GBX2: variants seen among roughly 807,000 people sequenced by gnomAD.
The protein encoded by GBX2 is gastrulation brain homeobox 2.
Under a neutral mutation model 22.4 loss-of-function variants are expected in GBX2, and 5 were observed. That is an observed-to-expected ratio of 0.22 (90% CI 0.12 to 0.47). The LOEUF is 0.47. Among genes scored for constraint, GBX2 ranks in the 20% least tolerant of loss-of-function variants. GBX2 has a pLI of 0.99. For missense variants in GBX2, 470 were observed against 495.4 expected, an observed-to-expected ratio of 0.95 and a Z score of 0.49; for synonymous variants, 220 against 230.5, an observed-to-expected ratio of 0.95 and a Z score of 0.41.
chr2:236,166,127 C>T lies in GBX2; in HGVS notation c.834G>A (p.Ser278=), dbSNP rs781231207. 4.3e-6 allele frequency: 7 copies of T among 1,614,096 alleles called. No individual in the cohort carries two copies. In the East Asian group the frequency reaches 1.1e-4, roughly 26 times the overall value. ...TGAGTTTGAGGGCGTGGGCGATCTG[C>T]GAGCGCTCGGTCAAGGAGAGGTACT... ...CKKYLSLTER[S]QIAHALKLSE... is the part of the protein sequence containing the mutation. The change falls in exon 2 of 2, where the codon TCG becomes TCA. Residue 278 remains serine (S), a synonymous_variant. Coordinates refer to ENST00000306318, the MANE Select transcript of GBX2 (RefSeq NM_001485.4). This position sits in a 1 kb window ranked among gnomAD's most constrained non-coding sequence, Gnocchi z 6.6.
chr2:236,168,178 G>A lies in GBX2; in HGVS notation c.-207C>T, dbSNP rs1400763879. ...TGTGCGGGGTGAGGCCGTGCGCCCC[G>A]GAGTGGAGAGGGCGCCCGGGCCCCG... On this transcript the variant is annotated 5_prime_UTR_variant, in exon 1 of 2. Transcript: ENST00000306318. 1 of 380,966 alleles carries A rather than the reference G, an allele frequency of 2.6e-6. No individual in the cohort carries two copies. The highest frequency in any genetic ancestry group is 2.1e-5 in the African/African-American group (1 of 47,172). 23.6% of individuals were successfully genotyped at this position (380,966 alleles called of 1,614,324 possible). A position where few individuals can be genotyped will look rare whatever the true frequency, so the allele number is the denominator to read the frequency against.
chr2:236,166,664 T>C lies in GBX2; in HGVS notation c.524-227A>G, dbSNP rs959627513. Among the ~76,000 whole-genome samples the C allele has an allele frequency of 6.6e-6, 1 of 152,040 alleles. No homozygotes were observed. The highest frequency in any genetic ancestry group is 2.4e-5 in the African/African-American group (1 of 41,408). On this transcript the variant is annotated intron_variant, in intron 1 of 1. Coordinates refer to ENST00000306318, the MANE Select transcript of GBX2 (RefSeq NM_001485.4). This position sits in a 1 kb window ranked among gnomAD's most constrained non-coding sequence, Gnocchi z 6.6. Reference sequence around the variant, plus strand: ...GGAGGCAGTACAGGCGACGGCCCTTTGCCCAGAACCATCACTCAAAGGGCC... The same window carrying C: ...GGAGGCAGTACAGGCGACGGCCCTTCGCCCAGAACCATCACTCAAAGGGCC...
rs1196276549 is a variant in GBX2 at position 236,167,431 on chromosome 2, C to T, written c.523+18G>A. The T allele has an allele frequency of 6.7e-7, 1 of 1,488,828 alleles. No individual in the cohort carries two copies. Among genetic ancestry groups the T allele is most frequent in the Admixed American group, 2.4e-5 (1 of 42,172 alleles). The allele number at this position is 1,488,828 out of a possible 1,614,324, so 92.2% of individuals were successfully genotyped here. On this transcript the variant is annotated intron_variant, in intron 1 of 1. Transcript: ENST00000306318. ...TCCTCCCGCCCCCTCGTCCCGGCTG[C>T]GCGCGCCGCCGACTCACCGAGCGAA...
chr2:236,166,032 G>T lies in GBX2; in HGVS notation c.929C>A (p.Ala310Asp), dbSNP rs1444288072. ...GGAGGGCTCCCCTGTCTTGGAATTG[G>T]CATTGCCTGCCTTCACCCGTTTCCA... ...AKWKRVKAGN[A>D]NSKTGEPSRN... The change falls in exon 2 of 2, where the codon GCC becomes GAC. Residue 310 changes from alanine (A) to aspartate (D), a missense_variant. Coordinates refer to ENST00000306318, the MANE Select transcript of GBX2 (RefSeq NM_001485.4). This position sits in a 1 kb window ranked among gnomAD's most constrained non-coding sequence, Gnocchi z 6.6. 6.2e-7 allele frequency: 1 copy of T among 1,614,210 alleles called. No individual in the cohort carries two copies. Among genetic ancestry groups the T allele is most frequent in the African/African-American group, 1.3e-5 (1 of 75,066 alleles).
Position 236,165,929 on chromosome 2 carries a change from T to G in GBX2, c.1032A>C (p.Glu344Asp), listed in dbSNP as rs752507301. ...FAIRSQHQQL[E>D]QARP is the part of the protein sequence containing the mutation. ...TTCTGGACCCTCAGGGCCGGGCCTGTTCTAGCTGCTGATGCTGACTTCTGA... is the reference window on the plus strand; with the variant it reads ...TTCTGGACCCTCAGGGCCGGGCCTGGTCTAGCTGCTGATGCTGACTTCTGA... Residue 344 changes from glutamate to aspartate, a missense_variant, in exon 2 of 2, where the codon GAA (glutamate) becomes GAC (aspartate). By Grantham distance (45) the Glu-to-Asp change is conservative. Around this residue, in one of 4 missense-constraint regions of GBX2, gnomAD observed 50 missense variants for 59.1 expected, o/e 0.85. Transcript: ENST00000306318. 3.1e-6 allele frequency: 5 copies of G among 1,613,838 alleles called. No homozygotes were observed. Among genetic ancestry groups the G allele is most frequent in the East Asian group, 4.5e-5 (2 of 44,848 alleles).
chr2:236,167,508 A>C lies in GBX2; in HGVS notation c.464T>G (p.Leu155Arg), dbSNP rs1355971926. The C allele has an allele frequency of 6.3e-7, 1 of 1,593,012 alleles. No homozygotes were observed. ...GGCGAGCAGCGAGCCCTCTTTGGCC[A>C]GGAAGCCTTTGCCGTCCTCCGCGTC... ...QADAEDGKGF[L>R]AKEGSLLAFS... is the part of the protein sequence containing the mutation. Residue 155 changes from leucine to arginine, a missense_variant, in exon 1 of 2, where the codon CTG becomes CGG. By Grantham distance (102) the Leu-to-Arg change is moderately radical. Coordinates refer to ENST00000306318, the MANE Select transcript of GBX2 (RefSeq NM_001485.4).
chr2:236,167,286 C>T lies in GBX2; in HGVS notation c.523+163G>A, dbSNP rs2060245406. 12 of 1,403,336 alleles carry T rather than the reference C, an allele frequency of 8.6e-6. No individual in the cohort carries two copies. The South Asian group carries it at 1.4e-4, about 16-fold the overall frequency. 86.9% of individuals were successfully genotyped at this position (1,403,336 alleles called of 1,614,324 possible). A position where few individuals can be genotyped will look rare whatever the true frequency, so the allele number is the denominator to read the frequency against. On this transcript the variant is annotated intron_variant, in intron 1 of 1. Transcript: ENST00000306318. ...GCTTGTTGGGTGGCTCTGAATGTCC[C>T]CCGGAGGCCCAGCGGCACAGCCGGG...
chr2:236,162,235 T>A (rs988424915), downstream of GBX2, among the ~76,000 whole-genome samples: 21 of 152,212 alleles, frequency 1.4e-4, no homozygotes, highest in African/African-American at 4.3e-4. Flanking sequence ...AGAGTCAGGA[T>A]GTCCTCCGAG....
In GBX2 at chr2:236,168,094, G is replaced by A. The variant is rs903227402; in HGVS notation, c.-123C>T. 2.8e-6 allele frequency: 3 copies of A among 1,065,848 alleles called. No individual in the cohort carries two copies. Among genetic ancestry groups the A allele is most frequent in the Non-Finnish European group, 3.7e-6 (3 of 817,166 alleles). 66.0% of individuals were successfully genotyped at this position (1,065,848 alleles called of 1,614,324 possible). On this transcript the variant is annotated 5_prime_UTR_variant, in exon 1 of 2. Coordinates refer to ENST00000306318, the MANE Select transcript of GBX2 (RefSeq NM_001485.4). The stretch of plus-strand genomic sequence containing the variant: ...GGGCAGGGGCCGAGCGGGACCCGGA[G>A]AGCAGACGCCTCCGCCCCTCAGTCC...
chr2:236,163,289 C>T (rs1225676885), downstream of GBX2, among the ~76,000 whole-genome samples: 1 of 148,174 alleles, frequency 6.7e-6, no homozygotes, highest in Admixed American at 6.7e-5. Context: ...GGTCAGCGCC[C>T]CGAGGAGCAG....
chr2:236,168,010 C>A lies in GBX2; in HGVS notation c.-39G>T. 7.0e-7 allele frequency: 1 copy of A among 1,434,052 alleles called. No individual in the cohort carries two copies. The highest frequency in any genetic ancestry group is 3.0e-5 in the East Asian group (1 of 33,694). 88.8% of individuals were successfully genotyped at this position (1,434,052 alleles called of 1,614,324 possible). Reference sequence around the variant, plus strand: ...AGAGGCCAGCGAGAGGCGAAAAGTCCCCGCGCCGCGCCGCCGCCGGGAAGC... The same window carrying A: ...AGAGGCCAGCGAGAGGCGAAAAGTCACCGCGCCGCGCCGCCGCCGGGAAGC... On this transcript the variant is annotated 5_prime_UTR_variant, in exon 1 of 2. Coordinates refer to ENST00000306318, the MANE Select transcript of GBX2 (RefSeq NM_001485.4).
downstream of GBX2, among the ~76,000 whole-genome samples, chr2:236,163,773 C>T (rs1012417205): frequency 2.6e-4 from 40 of 152,014 alleles, no homozygotes; most frequent in Non-Finnish European, 1.5e-5. Flanking sequence ...GGTACCTGCC[C>T]CGAGCAGCAG....
chr2:236,165,010 A>G (rs991612584), downstream of GBX2, among the ~76,000 whole-genome samples: 64 of 152,172 alleles, frequency 4.2e-4, no homozygotes, highest in African/African-American at 1.3e-3. Flanking sequence ...AGGGGGAGAT[A>G]GATTTCTAAG....
chr2:236,162,702 C>T (rs1354110907), downstream of GBX2, among the ~76,000 whole-genome samples: 7 of 152,140 alleles, frequency 4.6e-5, no homozygotes, highest in African/African-American at 7.2e-5. Flanking sequence ...TCCCAGTGCA[C>T]GGCTGGGGGG....
Position 236,165,664 on chromosome 2 carries a change from C to T in GBX2, c.*250G>A. 1 of 443,828 alleles carries T rather than the reference C, an allele frequency of 2.3e-6. No individual in the cohort carries two copies. The highest frequency in any genetic ancestry group is 4.0e-6 in the Non-Finnish European group (1 of 251,968). 27.5% of individuals were successfully genotyped at this position (443,828 alleles called of 1,614,324 possible). On this transcript the variant is annotated 3_prime_UTR_variant, in exon 2 of 2. Coordinates refer to ENST00000306318, the MANE Select transcript of GBX2 (RefSeq NM_001485.4). Reference sequence around the variant, plus strand: ...ACTTTCAAAATACTGCAGCTGAGATCCAGTCTATAGAGATATTTATGTACA... The same window carrying T: ...ACTTTCAAAATACTGCAGCTGAGATTCAGTCTATAGAGATATTTATGTACA...
At chr2:236,163,177 C>A (rs966395727), downstream of GBX2, among the ~76,000 whole-genome samples, 1 of 152,168 alleles carries the variant, frequency 6.6e-6, no homozygotes, top group Non-Finnish European at 1.5e-5. Context: ...GGCCATCAAG[C>A]GCTGCTTGTT....
At chr2:236,164,742 GT>G (rs2060228766), downstream of GBX2, among the ~76,000 whole-genome samples, 1 of 152,192 alleles carries the variant, frequency 6.6e-6, no homozygotes, top group Non-Finnish European at 1.5e-5. Flanking sequence ...GGCTCGCTGG[GT>G]TTTTGCTCCT....
chr2:236,167,133 C>G, intron 1 of GBX2: 2 of 1,535,572 alleles, frequency 1.3e-6, no homozygotes, highest in Non-Finnish European at 1.7e-6. Context: ...GAGGCTGCAA[C>G]CTACCCGGAA....
chr2:236,162,146 G>T (rs2060216168), downstream of GBX2, among the ~76,000 whole-genome samples: 1 of 152,206 alleles, frequency 6.6e-6, no homozygotes, highest in Non-Finnish European at 1.5e-5. Context: ...GAGAAAGGGT[G>T]TCTTGGAATG....
Sources: allele counts gnomAD v4.1 joint callset (sites outside exome capture counted in the v4.1 genomes callset), GRCh38; gene constraint gnomAD v4.1.1; regional missense constraint gnomAD v4.1.1; non-coding constraint Gnocchi (gnomAD v3.1); transcripts MANE v1.5; gene names NCBI Gene and HGNC (gene_info 2026-07-23, HGNC 2026-07-21).